DLG1: variants seen among roughly 807,000 people sequenced by gnomAD.
DLG1 encodes discs large MAGUK scaffold protein 1.
DLG1 carries 42 observed loss-of-function variants against 123.4 expected under a neutral mutation model. The ratio of observed to expected loss-of-function variants is 0.34; its 90% CI spans 0.27 to 0.44. The LOEUF is 0.44. Among genes scored for constraint, DLG1 ranks in the 20% least tolerant of loss-of-function variants. DLG1 has a pLI of 1.00. For synonymous variants in DLG1, 317 were observed against 356.2 expected (o/e 0.89, Z 1.24); for missense variants, 942 against 1,082.6 (o/e 0.87, Z 1.82).
At chr3:197,058,795 T>TG (rs1210100816) in intron 23 of DLG1, among the ~76,000 whole-genome samples, 3 of 152,238 alleles carry the variant, frequency 2.0e-5, no homozygotes, top group Non-Finnish European at 4.4e-5. Context: ...TCCCTCTCGA[T>TG]GATGTTGGAA....
At chr3:197,156,529 A>G (rs1796486120) in intron 5 of DLG1, among the ~76,000 whole-genome samples, 1 of 152,200 alleles carries the variant, frequency 6.6e-6, no homozygotes, top group African/African-American at 2.4e-5. Context: ...TAAAAATTTT[A>G]AAATGTTCCA....
chr3:197,045,047 A>T (rs938059780), intron 24 of DLG1, among the ~76,000 whole-genome samples: 2 of 152,190 alleles, frequency 1.3e-5, no homozygotes, highest in South Asian at 4.1e-4. Flanking sequence ...ATTTCTCCAT[A>T]AACATATGTA....
chr3:197,282,139 TA>T (rs1769685352), intron 4 of DLG1, among the ~76,000 whole-genome samples: 1 of 152,182 alleles, frequency 6.6e-6, no homozygotes, highest in Non-Finnish European at 1.5e-5. Context: ...CACAAAAAAG[TA>T]TATTACTAAG....
At chr3:197,279,587 T>C (rs1768180995) in intron 4 of DLG1, among the ~76,000 whole-genome samples, 1 of 152,172 alleles carries the variant, frequency 6.6e-6, no homozygotes, top group South Asian at 2.1e-4. Context: ...GATCTGACGC[T>C]CACAATATGA....
At chr3:197,283,986 G>A (rs930103619) in intron 3 of DLG1, among the ~76,000 whole-genome samples, 5 of 150,342 alleles carry the variant, frequency 3.3e-5, no homozygotes, top group Non-Finnish European at 3.0e-5. Flanking sequence ...CTCAGCCTCC[G>A]AGTAGCTGGG....
intron 4 of DLG1, among the ~76,000 whole-genome samples, chr3:197,221,106 ACATAC>A (rs1340502171): frequency 2.6e-5 from 4 of 152,198 alleles, no homozygotes; most frequent in Non-Finnish European, 4.4e-5. Flanking sequence ...CTTACATACC[ACATAC>A]CATACCCTAA....
At chr3:197,262,720 T>C (rs936115821) in intron 4 of DLG1, among the ~76,000 whole-genome samples, 4 of 152,148 alleles carry the variant, frequency 2.6e-5, no homozygotes, top group Non-Finnish European at 4.4e-5. Flanking sequence ...TCCAAGCAGA[T>C]AGTGTCAGAA....
intron 11 of DLG1, among the ~76,000 whole-genome samples, chr3:197,125,528 A>G (rs1261665718): frequency 2.0e-5 from 3 of 152,224 alleles, no homozygotes; most frequent in Admixed American, 6.5e-5. Context: ...ATAATGTCAA[A>G]TGACTGAAGG....
At chr3:197,201,518 T>C (rs1725724479) in intron 4 of DLG1, among the ~76,000 whole-genome samples, 1 of 152,188 alleles carries the variant, frequency 6.6e-6, no homozygotes, top group Non-Finnish European at 1.5e-5. Context: ...CCACCAATAA[T>C]GATCTGGCCA....
chr3:197,297,246 CA>C lies in DLG1; in HGVS notation c.-31-12del. On this transcript the variant is annotated splice_polypyrimidine_tract_variant and intron_variant, in intron 1 of 24. Coordinates refer to ENST00000667157, the MANE Select transcript of DLG1 (RefSeq NM_001366207.1). ...GAAGAGGGCACACACCTTTAAAACA[CA>C]CAACGGAAAGGAAAAAGGATAGAAT... is the stretch of plus-strand genomic sequence containing the variant. 1 of 1,613,644 alleles carries C rather than the reference CA, an allele frequency of 6.2e-7. No individual in the cohort carries two copies. The highest frequency in any genetic ancestry group is 1.1e-5 in the South Asian group (1 of 91,044).
chr3:197,122,423 T>C (rs1217078238), intron 11 of DLG1, among the ~76,000 whole-genome samples: 1 of 152,078 alleles, frequency 6.6e-6, no homozygotes, highest in African/African-American at 2.4e-5. Context: ...TCACCATTTC[T>C]GTTCAACACT....
chr3:197,119,637 G>A lies in DLG1; in HGVS notation c.1166-107C>T, dbSNP rs540716527. On this transcript the variant is annotated intron_variant, in intron 11 of 24. Transcript: ENST00000667157. ...TTTATATGCACTCCTTTATATATCA[G>A]AATTTGGTAGAGAAGATTTACTCAT... 497 of 1,079,240 alleles carry A rather than the reference G, an allele frequency of 4.6e-4. 2 individuals carry two copies. In the African/African-American group the frequency reaches 7.6e-3, roughly 17 times the overall value. 66.9% of individuals were successfully genotyped at this position (1,079,240 alleles called of 1,614,324 possible).
rs552719351 is a variant in DLG1 at position 197,096,397 on chromosome 3, T to C, written c.1547-5371A>G. Reference sequence around the variant, plus strand: ...GGCTCTGAGCATTCCCATATGTGCTTTCCTCACCAGCCCTCAGGCTCTGAC... The same window carrying C: ...GGCTCTGAGCATTCCCATATGTGCTCTCCTCACCAGCCCTCAGGCTCTGAC... On this transcript the variant is annotated intron_variant, in intron 14 of 24. Transcript: ENST00000667157. Among the ~76,000 whole-genome samples the C allele has an allele frequency of 2.6e-5, 4 of 152,296 alleles. No individual in the cohort carries two copies. The South Asian group carries it at 6.2e-4, about 24-fold the overall frequency.
intron 4 of DLG1, among the ~76,000 whole-genome samples, chr3:197,206,107 A>G (rs1218995837): frequency 5.9e-5 from 9 of 152,204 alleles, no homozygotes; most frequent in Admixed American, 5.9e-4. Context: ...TCTATAGGGC[A>G]CAGACATCTT....
intron 18 of DLG1, among the ~76,000 whole-genome samples, chr3:197,073,349 C>A (rs1745250883): frequency 6.6e-6 from 1 of 152,090 alleles, no homozygotes; most frequent in South Asian, 2.1e-4. Context: ...TAAGAACAAA[C>A]CTTGTCTCAA....
chr3:197,133,929 A>G (rs1783876942), intron 10 of DLG1, among the ~76,000 whole-genome samples: 1 of 152,246 alleles, frequency 6.6e-6, no homozygotes, highest in Non-Finnish European at 1.5e-5. Flanking sequence ...TAAGAGAACA[A>G]AAGCCTCACT....
At chr3:197,143,891 T>G (rs1789341423) in intron 6 of DLG1, among the ~76,000 whole-genome samples, 1 of 152,194 alleles carries the variant, frequency 6.6e-6, no homozygotes, top group Admixed American at 6.5e-5. Context: ...TCCAATTTAT[T>G]TCCTAGTCTC....
At chr3:197,232,751 GA>G (rs765221376) in intron 4 of DLG1, among the ~76,000 whole-genome samples, 126 of 132,462 alleles carry the variant, frequency 9.5e-4, no homozygotes, top group East Asian at 3.5e-3. Flanking sequence ...CTATCTGGCA[GA>G]AAAAAAAAAA....
intron 5 of DLG1, chr3:197,183,870 A>C: frequency 6.6e-7 from 1 of 1,508,878 alleles, no homozygotes; most frequent in East Asian, 2.5e-5. Flanking sequence ...CTGAGTGGTG[A>C]ATGATCGGTA....
Sources: allele counts gnomAD v4.1 joint callset (sites outside exome capture counted in the v4.1 genomes callset), GRCh38; gene constraint gnomAD v4.1.1; transcripts MANE v1.5; gene names NCBI Gene and HGNC (gene_info 2026-07-23, HGNC 2026-07-21).